SEL1L3: variants seen among roughly 807,000 people sequenced by gnomAD.
The protein encoded by SEL1L3 is protein sel-1 homolog 3.
Under a neutral mutation model 142.8 loss-of-function variants are expected in SEL1L3, and 76 were observed. That is an observed-to-expected ratio of 0.53 (90% confidence interval 0.44 to 0.64). The LOEUF is 0.64. Ranked by LOEUF, SEL1L3 falls within the 30% of genes least tolerant of loss-of-function variation. SEL1L3 has a pLI of 0.00. For synonymous variants in SEL1L3, 504 were observed against 519.6 expected, an observed-to-expected ratio of 0.97 and a Z score of 0.41; for missense variants, 1,262 against 1,381.7, an observed-to-expected ratio of 0.91 and a Z score of 1.37.
chr4:25,735,413 T>A, the SEL1L3 span, among the ~76,000 whole-genome samples: 1 of 152,108 alleles, frequency 6.6e-6, no homozygotes, highest in Non-Finnish European at 1.5e-5. Context: ...ATATTGGGAA[T>A]TTTGTGTCTT....
At chr4:25,805,268 C>T (rs906087841) in intron 9 of SEL1L3, among the ~76,000 whole-genome samples, 1 of 152,200 alleles carries the variant, frequency 6.6e-6, no homozygotes, top group African/African-American at 2.4e-5. Flanking sequence ...TGAGAGCTTA[C>T]AACATGCCAA....
chr4:25,749,366 G>A (rs184237653), intron 23 of SEL1L3, among the ~76,000 whole-genome samples: 148 of 151,390 alleles, frequency 9.8e-4, no homozygotes, highest in Middle Eastern at 3.4e-3. Context: ...TGAGTTTTCT[G>A]ATTTAAAAAA....
At position 25,757,683 on chromosome 4, in the gene SEL1L3, C is replaced by G; in HGVS notation, c.3186+5G>C. 1 of 1,583,044 alleles carries G rather than the reference C, an allele frequency of 6.3e-7. No individual in the cohort carries two copies. The highest frequency in any genetic ancestry group is 8.6e-7 in the Non-Finnish European group (1 of 1,164,828). On this transcript the variant is annotated splice_donor_5th_base_variant and intron_variant, in intron 22 of 23. Coordinates refer to ENST00000399878, the MANE Select transcript of SEL1L3 (RefSeq NM_015187.5). ...AGGGTGGGGCCGGTGGGACATGAAA[C>G]CTACCAGGGCTGAGTGCAGGATAGC...
At chr4:25,789,584 C>CAAAAAA (rs55852462) in intron 12 of SEL1L3, among the ~76,000 whole-genome samples, 1 of 124,764 alleles carries the variant, frequency 8.0e-6, no homozygotes, top group Non-Finnish European at 1.7e-5. Flanking sequence ...GACCCTGAAT[C>CAAAAAA]AAAAAAAAAA....
chr4:25,799,939 A>G (rs1454799045), intron 11 of SEL1L3, among the ~76,000 whole-genome samples: 1 of 152,206 alleles, frequency 6.6e-6, no homozygotes, highest in Non-Finnish European at 1.5e-5. Flanking sequence ...AACCTGGAGG[A>G]AGAGCAGCTT....
chr4:25,770,964 A>G (rs891506264), intron 17 of SEL1L3, among the ~76,000 whole-genome samples: 2 of 152,284 alleles, frequency 1.3e-5, no homozygotes, highest in East Asian at 1.9e-4. Context: ...AACCCTGTCC[A>G]CATTTAGCCT....
intron 13 of SEL1L3, among the ~76,000 whole-genome samples, chr4:25,786,276 C>T (rs749459205): frequency 6.6e-6 from 1 of 152,096 alleles, no homozygotes; most frequent in South Asian, 2.1e-4. Flanking sequence ...CCATTTTCAG[C>T]GTGGGGTTCT....
chr4:25,741,890 C>A, the SEL1L3 span, among the ~76,000 whole-genome samples: 6 of 151,874 alleles, frequency 4.0e-5, no homozygotes, highest in Non-Finnish European at 8.8e-5. Flanking sequence ...CTCACTGCAA[C>A]CTCTGCCTCT....
chr4:25,861,250 A>G (rs1717686639), intron 1 of SEL1L3, among the ~76,000 whole-genome samples: 1 of 152,232 alleles, frequency 6.6e-6, no homozygotes, highest in South Asian at 2.1e-4. Context: ...ACCTTGTGGC[A>G]TAAATATTAA....
At chr4:25,863,429 CCCA>C, upstream of SEL1L3, 1 of 700,050 alleles carries the variant, frequency 1.4e-6, no homozygotes. Flanking sequence ...TCCTCTCCCA[CCCA>C]CCCCTTTTGC....
In SEL1L3 at chr4:25,804,555, G is replaced by A. The variant is rs373022731; in HGVS notation, c.1762C>T (p.Arg588Trp). 93 of 1,610,564 alleles carry A rather than the reference G, an allele frequency of 5.8e-5. No individual in the cohort carries two copies. Among genetic ancestry groups the A allele is most frequent in the Non-Finnish European group, 7.4e-5 (87 of 1,177,898 alleles). Residue 588 changes from arginine (R) to tryptophan (W), a missense_variant, in exon 10 of 24, where the codon CGG (arginine) becomes TGG (tryptophan). Arg to Trp is a moderately radical substitution (Grantham distance 101, BLOSUM62 -3). Coordinates refer to ENST00000399878, the MANE Select transcript of SEL1L3 (RefSeq NM_015187.5). ...AAATACTCTACCTGCAGCTGATCCC[G>A]AGGAACATTTAATCCAGTCTCATAA... ...VFYETGLNVP[R>W]DQLQGMLYSL...
chr4:25,768,438 A>G (rs1314919403), intron 17 of SEL1L3, among the ~76,000 whole-genome samples: 1 of 152,226 alleles, frequency 6.6e-6, no homozygotes, highest in Admixed American at 6.5e-5. Flanking sequence ...TATTTGGAAT[A>G]ATGGCAAAAG....
At chr4:25,862,297 A>C in intron 1 of SEL1L3, 2 of 19,640 alleles carry the variant, frequency 1.0e-4, no homozygotes, top group Non-Finnish European at 1.9e-4. Context: ...AGGGAAGCCC[A>C]GGAGGGGTGG....
At chr4:25,746,509 T>TATATATATATATATATATTTAA (rs1490041625), downstream of SEL1L3, among the ~76,000 whole-genome samples, 3 of 31,130 alleles carry the variant, frequency 9.6e-5, no homozygotes, top group Non-Finnish European at 1.3e-4. Context: ...ATTATCTAAA[T>TATATATATATATATATATTTAA]ATATATATAT....
chr4:25,789,312 G>A (rs1489025179), intron 12 of SEL1L3, among the ~76,000 whole-genome samples: 3 of 152,174 alleles, frequency 2.0e-5, no homozygotes, highest in African/African-American at 7.2e-5. Flanking sequence ...TGGGCCAGGT[G>A]TGGTGGGCCT....
At chr4:25,821,912 T>A in intron 7 of SEL1L3, 84 bp downstream of exon 7, 2 of 1,435,458 alleles carry the variant, frequency 1.4e-6, no homozygotes, top group South Asian at 1.4e-5. Flanking sequence ...TTGGGTAAAC[T>A]TTTATTTACA....
At chr4:25,833,684 C>T (rs1323875419) in intron 3 of SEL1L3, 115 bp from the exon 4 acceptor site, 2 of 930,810 alleles carry the variant, frequency 2.1e-6, no homozygotes, top group Non-Finnish European at 3.1e-6. Flanking sequence ...ATGAATTTGC[C>T]TTCGCGTTCA....
intron 10 of SEL1L3, among the ~76,000 whole-genome samples, chr4:25,803,516 A>T (rs539947468): frequency 6.6e-6 from 1 of 152,230 alleles, no homozygotes; most frequent in African/African-American, 2.4e-5. Flanking sequence ...GCGATGGTTC[A>T]TTTGGTGTGT....
At chr4:25,753,672 G>C (rs1717749936) in intron 23 of SEL1L3, among the ~76,000 whole-genome samples, 1 of 152,212 alleles carries the variant, frequency 6.6e-6, no homozygotes, top group African/African-American at 2.4e-5. Context: ...TGTACTGCTG[G>C]AGTAACTTCC....
Sources: gnomAD v4.1 joint callset for allele counts (sites outside exome capture counted in the v4.1 genomes callset) on GRCh38, gnomAD v4.1.1 for gene constraint, MANE v1.5 for transcripts, NCBI Gene and HGNC (gene_info 2026-07-23, HGNC 2026-07-21) for gene names.